ABCB9: variants seen among roughly 807,000 people sequenced by gnomAD.
The protein encoded by ABCB9 is ATP binding cassette subfamily B member 9, also known as ABC-type oligopeptide transporter ABCB9.
Under a neutral mutation model 62.0 loss-of-function variants are expected in ABCB9, and 36 were observed. The ratio of observed to expected loss-of-function variants is 0.58; its 90% CI spans 0.45 to 0.77. The LOEUF is 0.77. ABCB9 is among the 30% of genes least tolerant of loss of function. ABCB9 has a pLI of 0.00. For missense variants in ABCB9, 943 were observed against 1,054.7 expected (o/e 0.89, Z 1.47); for synonymous variants, 435 against 461.4 (o/e 0.94, Z 0.73).
chr12:122,950,691 G>A, intron 2 of ABCB9, 126 bp from the exon 3 acceptor site: 2 of 741,560 alleles, frequency 2.7e-6, no homozygotes, highest in South Asian at 3.5e-5. Flanking sequence ...TCCTCCCTCG[G>A]CAAACTCTTG....
At chr12:122,937,455 A>G (rs2035519614) in intron 9 of ABCB9, among the ~76,000 whole-genome samples, 1 of 152,206 alleles carries the variant, frequency 6.6e-6, no homozygotes, top group Non-Finnish European at 1.5e-5. Context: ...AAAGGTGTTT[A>G]ATATCTTCAG....
rs1161357520 is a variant in ABCB9 at position 122,936,729 on chromosome 12, ACT to A, written c.1744-1300_1744-1299del. 5.9e-5 allele frequency among the ~76,000 whole-genome samples: 9 copies of A among 151,926 alleles called. No homozygotes were observed. The East Asian group carries it at 1.7e-3, about 29-fold the overall frequency. On this transcript the variant is annotated intron_variant, in intron 9 of 11. Transcript: ENST00000280560. ...AGACCAGCCTGACCAACATGGAGAA[ACT>A]CTGTCTCTACTAAAAATAAAAAATT...
intron 10 of ABCB9, among the ~76,000 whole-genome samples, chr12:122,933,556 GA>G (rs781294476): frequency 1.1e-3 from 145 of 126,544 alleles, no homozygotes; most frequent in African/African-American, 2.1e-3. Context: ...TCCATCTCAA[GA>G]AAAAAAAAAA....
intron 1 of ABCB9, among the ~76,000 whole-genome samples, chr12:122,974,229 C>A (rs1281631652): frequency 6.6e-6 from 1 of 152,092 alleles, no homozygotes; most frequent in Non-Finnish European, 1.5e-5. Flanking sequence ...GAACATTGAT[C>A]TGGGGAAATG....
downstream of ABCB9, among the ~76,000 whole-genome samples, chr12:122,919,845 T>G (rs1221734305): frequency 6.6e-6 from 1 of 151,960 alleles, no homozygotes. Context: ...TAGGTCGCTG[T>G]TAGGACCTCC....
At chr12:122,934,263 A>G (rs1180377941) in intron 10 of ABCB9, among the ~76,000 whole-genome samples, 1 of 152,176 alleles carries the variant, frequency 6.6e-6, no homozygotes, top group Non-Finnish European at 1.5e-5. Flanking sequence ...ACACAAACAA[A>G]CAAAAAACTA....
chr12:122,971,386 CAAA>C (rs1325058090), upstream of ABCB9, among the ~76,000 whole-genome samples: 210 of 53,922 alleles, frequency 3.9e-3, no homozygotes, highest in African/African-American at 0.011. Flanking sequence ...GACTCCATCT[CAAA>C]AAAAAAAAAA....
At chr12:122,946,290 G>T in intron 5 of ABCB9, 68 bp from the exon 6 acceptor site, 1 of 1,553,730 alleles carries the variant, frequency 6.4e-7, no homozygotes, top group Non-Finnish European at 8.8e-7. Flanking sequence ...GGAGCCCCCA[G>T]GCCTCTCTGG....
In ABCB9 at chr12:122,930,412, CTT is replaced by C. The variant is rs397954994; in HGVS notation, c.2041-243_2041-242del. 0.038 allele frequency among the ~76,000 whole-genome samples: 5,201 copies of C among 136,484 alleles called. 351 individuals carry two copies. Among genetic ancestry groups the C allele is most frequent in the African/African-American group, 0.14 (4,826 of 35,658 alleles). 89.5% of individuals were successfully genotyped at this position (136,484 alleles called of 152,430 possible). A position where few individuals can be genotyped will look rare whatever the true frequency, so the allele number is the denominator to read the frequency against. The stretch of plus-strand genomic sequence containing the variant: ...TCTTCTGGTCCTTCCCTTCCCCCTC[CTT>C]TTTTTTTTTTTTTTTTTTTAAGTCT... On this transcript the variant is annotated intron_variant, in intron 11 of 11. Coordinates refer to ENST00000280560, the MANE Select transcript of ABCB9 (RefSeq NM_019625.4). The surrounding 1 kb of genome is among the most constrained non-coding windows in gnomAD (Gnocchi z 4.9).
intron 11 of ABCB9, among the ~76,000 whole-genome samples, chr12:122,923,374 G>A (rs1189163022): frequency 2.0e-5 from 3 of 152,116 alleles, no homozygotes; most frequent in African/African-American, 4.8e-5. Flanking sequence ...TGCAAGCTCC[G>A]CCTCCCGGGT....
intron 9 of ABCB9, among the ~76,000 whole-genome samples, chr12:122,936,205 T>C (rs1287184565): frequency 1.3e-5 from 2 of 152,168 alleles, no homozygotes; most frequent in Non-Finnish European, 2.9e-5. Context: ...TTGTAATAGA[T>C]ACATATACAC....
At position 122,930,411 on chromosome 12, in the gene ABCB9, CCTTT is replaced by C. The variant is rs2135752848; in HGVS notation, c.2041-244_2041-241del. Among the ~76,000 whole-genome samples the C allele has an allele frequency of 6.7e-6, 1 of 149,286 alleles. No individual in the cohort carries two copies. Among genetic ancestry groups the C allele is most frequent in the East Asian group, 2.0e-4 (1 of 5,120 alleles). On this transcript the variant is annotated intron_variant, in intron 11 of 11. Coordinates refer to ENST00000280560, the MANE Select transcript of ABCB9 (RefSeq NM_019625.4). The surrounding 1 kb of genome is among the most constrained non-coding windows in gnomAD (Gnocchi z 4.9). ...GTCTTCTGGTCCTTCCCTTCCCCCT[CCTTT>C]TTTTTTTTTTTTTTTTTTAAGTCTT... is the stretch of plus-strand genomic sequence containing the variant.
In ABCB9 at chr12:122,959,660, G is replaced by A; in HGVS notation, c.576C>T (p.Ser192=). ...KPDVAFLVAA[S]FFLIVAALGE... ...CCAGAGCTGCCACGATGAGGAAGAA[G>A]GAGGCGGCCACGAGGAAGGCCACGT... Residue 192 remains serine (S), a synonymous_variant, in exon 2 of 12, where the codon TCC becomes TCT. Coordinates refer to ENST00000280560, the MANE Select transcript of ABCB9 (RefSeq NM_019625.4). This position sits in a 1 kb window ranked among gnomAD's most constrained non-coding sequence, Gnocchi z 5.4. The A allele has an allele frequency of 1.3e-6, 2 of 1,571,714 alleles. No individual in the cohort carries two copies. The highest frequency in any genetic ancestry group is 2.3e-5 in the East Asian group (1 of 44,142).
chr12:122,950,544 T>C lies in ABCB9; in HGVS notation c.623A>G (p.Tyr208Cys). 1 of 1,612,750 alleles carries C rather than the reference T, an allele frequency of 6.2e-7. No homozygotes were observed. Among genetic ancestry groups the C allele is most frequent in the Non-Finnish European group, 8.5e-7 (1 of 1,179,926 alleles). Residue 208 changes from tyrosine to cysteine, a missense_variant, in exon 3 of 12, where the codon TAC (tyrosine) becomes TGC (cysteine). Tyr to Cys is a radical substitution (Grantham distance 194). Coordinates refer to ENST00000280560, the MANE Select transcript of ABCB9 (RefSeq NM_019625.4). ...AALGETFLPY[Y>C]TGRAIDGIVI... ...GATGCCATCAATGGCGCGGCCCGTG[T>C]AGTAGGGCAGGAAGGTCTCTCCTGG...
At chr12:122,960,373 G>C (rs1017292194) in intron 1 of ABCB9, 51 bp from the exon 2 acceptor site, 15 of 1,223,456 alleles carry the variant, frequency 1.2e-5, no homozygotes, top group Admixed American at 8.5e-5. Flanking sequence ...TTTGCCACTC[G>C]CTGGCTGTGT....
chr12:122,922,591 A>C (rs953941296), intron 11 of ABCB9, among the ~76,000 whole-genome samples: 1 of 152,106 alleles, frequency 6.6e-6, no homozygotes, highest in African/African-American at 2.4e-5. Flanking sequence ...GCTGGCCAAG[A>C]TGGTCTCGAA....
Position 122,930,640 on chromosome 12 carries a change from C to T in ABCB9, c.2041-469G>A, listed in dbSNP as rs1040343684. Among the ~76,000 whole-genome samples the T allele has an allele frequency of 6.6e-6, 1 of 152,094 alleles. No individual in the cohort carries two copies. Among genetic ancestry groups the T allele is most frequent in the African/African-American group, 2.4e-5 (1 of 41,406 alleles). On this transcript the variant is annotated intron_variant, in intron 11 of 11. Coordinates refer to ENST00000280560, the MANE Select transcript of ABCB9 (RefSeq NM_019625.4). The surrounding 1 kb of genome is among the most constrained non-coding windows in gnomAD (Gnocchi z 4.9). ...GGCCAGACTGGTCTCGAACACCTGA[C>T]TTTGTGATCCGCCTGGCCTCGGCCT...
At chr12:122,941,148 C>T (rs574157164) in intron 7 of ABCB9, among the ~76,000 whole-genome samples, 153 bp from the exon 8 acceptor site, 10 of 152,088 alleles carry the variant, frequency 6.6e-5, no homozygotes, top group African/African-American at 1.2e-4. Context: ...CATTAGATAA[C>T]GACAGTAAGG....
downstream of ABCB9, among the ~76,000 whole-genome samples, chr12:122,927,467 G>A (rs1316542632): frequency 6.6e-6 from 1 of 152,206 alleles, no homozygotes; most frequent in Non-Finnish European, 1.5e-5. Context: ...ACTGCATCTG[G>A]CCTAAACATT....
Sources: allele counts gnomAD v4.1 joint callset (sites outside exome capture counted in the v4.1 genomes callset), GRCh38; gene constraint gnomAD v4.1.1; non-coding constraint Gnocchi (gnomAD v3.1); transcripts MANE v1.5; gene names NCBI Gene and HGNC (gene_info 2026-07-23, HGNC 2026-07-21).